The following DPP8 variants were observed in gnomAD, a reference collection of about 807,000 sequenced individuals.
The protein encoded by DPP8 is DPP VIII.
A neutral mutation model predicts 107.5 loss-of-function variants in DPP8; 31 were observed. The observed-to-expected ratio is 0.29, with a 90% confidence interval of 0.22 to 0.39. The LOEUF (loss-of-function observed/expected upper bound fraction) is 0.39. DPP8 is among the 10% of genes least tolerant of loss of function. DPP8 has a pLI of 1.00. For synonymous variants in DPP8, 381 were observed against 356.6 expected (o/e 1.07, Z -0.77); for missense variants, 842 against 1,076.1 (o/e 0.78, Z 3.04).
chr15:65,493,186 C>T (rs1463142797), intron 5 of DPP8, among the ~76,000 whole-genome samples: 1 of 152,152 alleles, frequency 6.6e-6, no homozygotes, highest in South Asian at 2.1e-4. Flanking sequence ...TGGGTTCAAG[C>T]GATTCTCCTG....
chr15:65,500,033 T>C (rs2069042607), intron 4 of DPP8, among the ~76,000 whole-genome samples: 1 of 152,148 alleles, frequency 6.6e-6, no homozygotes, highest in African/African-American at 2.4e-5. Flanking sequence ...GTATCTGGGA[T>C]TAAAGGTGTG....
At chr15:65,488,462 G>A (rs909298952) in intron 6 of DPP8, among the ~76,000 whole-genome samples, 8 of 151,664 alleles carry the variant, frequency 5.3e-5, no homozygotes, top group African/African-American at 1.9e-4. Flanking sequence ...ACAAAAATTA[G>A]CTGGGTGTAG....
At chr15:65,480,679 T>A (rs1417458113) in intron 9 of DPP8, among the ~76,000 whole-genome samples, 3 of 152,184 alleles carry the variant, frequency 2.0e-5, no homozygotes, top group Non-Finnish European at 4.4e-5. Flanking sequence ...ATGCCTATAA[T>A]CCCAGCACTT....
At chr15:65,450,597 T>C (rs1425354272) in intron 19 of DPP8, 1 of 153,684 alleles carries the variant, frequency 6.5e-6, no homozygotes, top group East Asian at 1.9e-4. Flanking sequence ...TCCTCCAATG[T>C]CAATGTAAAA....
At chr15:65,469,801 A>T (rs2065698330) in intron 12 of DPP8, among the ~76,000 whole-genome samples, 1 of 151,938 alleles carries the variant, frequency 6.6e-6, no homozygotes, top group African/African-American at 2.4e-5. Flanking sequence ...GTACCACTGC[A>T]CTCCAGCCTG....
At chr15:65,499,249 CT>C (rs2068945686) in intron 4 of DPP8, among the ~76,000 whole-genome samples, 1 of 151,078 alleles carries the variant, frequency 6.6e-6, no homozygotes, top group East Asian at 1.9e-4. Flanking sequence ...TTTTCTCTCT[CT>C]CTTAGTCTCA....
At chr15:65,464,560 G>A (rs1227736684) in intron 14 of DPP8, among the ~76,000 whole-genome samples, 1 of 151,902 alleles carries the variant, frequency 6.6e-6, no homozygotes, top group East Asian at 1.9e-4. Context: ...GTGTGCTCCT[G>A]TAGTCCCAGC....
Position 65,445,404 on chromosome 15 carries a change from G to A in DPP8, c.*1480C>T, listed in dbSNP as rs2140280464. On this transcript the variant is annotated 3_prime_UTR_variant, in exon 20 of 20. Coordinates refer to ENST00000300141, the MANE Select transcript of DPP8 (RefSeq NM_130434.5). ...CCTTCCCTGCCACTGGTGTCAATGT[G>A]ACCAATCTAGCACCCCAAGACTCTA... 6.5e-6 allele frequency: 1 copy of A among 152,706 alleles called. No homozygotes were observed. The highest frequency in any genetic ancestry group is 2.4e-5 in the African/African-American group (1 of 41,554). The allele number at this position is 152,706 out of a possible 1,614,324, so 9.5% of individuals were successfully genotyped here.
intron 1 of DPP8, among the ~76,000 whole-genome samples, chr15:65,514,511 GTTT>G (rs2071198883): frequency 6.6e-6 from 1 of 152,096 alleles, no homozygotes; most frequent in Non-Finnish European, 1.5e-5. Context: ...TGTTGTTGCT[GTTT>G]TTGTTTTGTT....
chr15:65,458,550 C>T (rs1447895516), intron 15 of DPP8: 1 of 152,094 alleles, frequency 6.6e-6, no homozygotes, highest in Non-Finnish European at 1.5e-5. Context: ...CATGAGCCAC[C>T]TTACCCAGCC....
chr15:65,508,343 C>T (rs1329553771), intron 2 of DPP8, among the ~76,000 whole-genome samples: 3 of 152,088 alleles, frequency 2.0e-5, no homozygotes, highest in Non-Finnish European at 4.4e-5. Flanking sequence ...AACTGATCTG[C>T]TGAAAATCTC....
intron 12 of DPP8, among the ~76,000 whole-genome samples, chr15:65,469,983 C>T (rs139244239): frequency 1.2e-4 from 18 of 151,130 alleles, no homozygotes; most frequent in African/African-American, 2.7e-4. Context: ...GATTGCCTGA[C>T]GTCAGGAGTT....
chr15:65,487,218 C>T (rs1278400298), intron 7 of DPP8, among the ~76,000 whole-genome samples: 1 of 151,754 alleles, frequency 6.6e-6, no homozygotes, highest in African/African-American at 2.4e-5. Flanking sequence ...GGCATGATCT[C>T]AACTCACTAC....
chr15:65,468,727 G>C (rs2065581826), intron 12 of DPP8, among the ~76,000 whole-genome samples: 1 of 152,112 alleles, frequency 6.6e-6, no homozygotes, highest in Admixed American at 6.6e-5. Context: ...AACTTTACAA[G>C]TACGTGTTAA....
chr15:65,475,613 T>C, intron 11 of DPP8: 1 of 975,686 alleles, frequency 1.0e-6, no homozygotes, highest in Non-Finnish European at 1.6e-6. Context: ...ATCAGCTATT[T>C]CAACAAGGCA....
rs1295749916 is a variant in DPP8, at chr15:65,490,443, CATA to C, written c.716-147_716-145del. The C allele has an allele frequency of 6.1e-6, 4 of 656,360 alleles. No homozygotes were observed. The Admixed American group carries it at 1.1e-4, about 19-fold the overall frequency. The allele number at this position is 656,360 out of a possible 1,614,324, so 40.7% of individuals were successfully genotyped here. A position where few individuals can be genotyped will look rare whatever the true frequency, so the allele number is the denominator to read the frequency against. On this transcript the variant is annotated intron_variant, in intron 5 of 19. Transcript: ENST00000300141. ...ACGGACTGAGTTCAAATCTGGGGTC[CATA>C]ATGTCTGACTTTGGGCAAATCATCC...
intron 1 of DPP8, chr15:65,515,619 C>T (rs2071356537): frequency 1.3e-6 from 2 of 1,599,692 alleles, no homozygotes; most frequent in Admixed American, 1.7e-5. Flanking sequence ...CACTGCCCCA[C>T]CTACCTCGTC....
chr15:65,479,084 C>T (rs1595969912), intron 10 of DPP8, 45 bp from the exon 11 acceptor site: 5 of 1,313,308 alleles, frequency 3.8e-6, no homozygotes, highest in Non-Finnish European at 5.1e-6. Flanking sequence ...TATGAAAATA[C>T]TACATAATTC....
intron 6 of DPP8, 89 bp from the exon 7 acceptor site, chr15:65,487,907 A>T: frequency 2.3e-6 from 2 of 863,550 alleles, no homozygotes; most frequent in Non-Finnish European, 3.6e-6. Flanking sequence ...CAGATTTCTT[A>T]TAGTGAAGAA....
Sources: allele counts gnomAD v4.1 joint callset (sites outside exome capture counted in the v4.1 genomes callset), GRCh38; gene constraint gnomAD v4.1.1; transcripts MANE v1.5; gene names NCBI Gene and HGNC (gene_info 2026-07-23, HGNC 2026-07-21).